Variants in DLC1 observed in about 807,000 individuals in gnomAD.
The protein encoded by DLC1 is DLC1 Rho GTPase activating protein.
Under a neutral mutation model 140.3 loss-of-function variants are expected in DLC1, and 54 were observed. That is an observed-to-expected ratio of 0.38 (90% CI 0.31 to 0.48). The LOEUF (loss-of-function observed/expected upper bound fraction) is 0.48. Ranked by LOEUF, DLC1 falls within the 20% of genes least tolerant of loss-of-function variation. DLC1 has a pLI of 0.96. For missense variants in DLC1, 2,536 were observed against 1,907.0 expected, an observed-to-expected ratio of 1.33 and a Z score of -6.14; for synonymous variants, 986 against 728.1, an observed-to-expected ratio of 1.35 and a Z score of -5.70.
intron 5 of DLC1, among the ~76,000 whole-genome samples, chr8:13,268,979 A>G (rs899898452): frequency 6.9e-6 from 1 of 144,406 alleles, no homozygotes; most frequent in Non-Finnish European, 1.5e-5. Flanking sequence ...GGTTCACGCC[A>G]TTCTCCTGCC....
chr8:13,135,282 G>A (rs1369260888), intron 5 of DLC1, among the ~76,000 whole-genome samples: 1 of 148,770 alleles, frequency 6.7e-6, no homozygotes, highest in South Asian at 2.1e-4. Context: ...TCGGGTTCAC[G>A]CCATTCTCCT....
chr8:13,569,883 G>C (rs1305234686), intron 1 of DLC1, among the ~76,000 whole-genome samples: 1 of 152,060 alleles, frequency 6.6e-6, no homozygotes, highest in African/African-American at 2.4e-5. Flanking sequence ...CGCCACGCCT[G>C]GCTAAATTTC....
chr8:13,460,977 C>G (rs934277248), intron 2 of DLC1, among the ~76,000 whole-genome samples: 6 of 152,262 alleles, frequency 3.9e-5, no homozygotes, highest in Admixed American at 1.3e-4. Context: ...TTTTGGGAGG[C>G]CAAGGCAGGA....
At chr8:13,400,212 T>C (rs1837233419) in intron 3 of DLC1, among the ~76,000 whole-genome samples, 1 of 152,176 alleles carries the variant, frequency 6.6e-6, no homozygotes, top group Admixed American at 6.6e-5. Flanking sequence ...CAAGGCCTGG[T>C]GTGAGTGAGT....
At chr8:13,192,665 T>A (rs758818860) in intron 5 of DLC1, among the ~76,000 whole-genome samples, 8 of 152,148 alleles carry the variant, frequency 5.3e-5, no homozygotes, top group Non-Finnish European at 8.8e-5. Flanking sequence ...AGTCAGAATG[T>A]GATTGACTTT....
chr8:13,567,135 C>A, intron 1 of DLC1: 1 of 1,551,732 alleles, frequency 6.4e-7, no homozygotes. Context: ...AGTCCTCGCC[C>A]CTGACCTCTG....
intron 5 of DLC1, among the ~76,000 whole-genome samples, chr8:13,158,703 T>C (rs368739108): frequency 5.4e-5 from 8 of 147,714 alleles, no homozygotes; most frequent in African/African-American, 1.8e-4. Context: ...TAATCTTTAT[T>C]GCTAGAGTTA....
chr8:13,540,588 A>G (rs1218956415), intron 1 of DLC1, among the ~76,000 whole-genome samples: 1 of 152,196 alleles, frequency 6.6e-6, no homozygotes, highest in African/African-American at 2.4e-5. Flanking sequence ...GTTATATCAC[A>G]TGTTTCCTAC....
At chr8:13,436,121 A>G (rs779647469) in intron 2 of DLC1, among the ~76,000 whole-genome samples, 7 of 152,232 alleles carry the variant, frequency 4.6e-5, no homozygotes, top group Non-Finnish European at 8.8e-5. Flanking sequence ...GGGAAACCAA[A>G]ATACTTGTGT....
intron 5 of DLC1, among the ~76,000 whole-genome samples, chr8:13,157,404 AAG>A (rs1824330169): frequency 6.6e-6 from 1 of 152,196 alleles, no homozygotes; most frequent in Non-Finnish European, 1.5e-5. Flanking sequence ...GTGTTTTTGT[AAG>A]AGAGAGCCTG....
chr8:13,225,318 A>G (rs1043112032), intron 5 of DLC1, among the ~76,000 whole-genome samples: 4 of 152,238 alleles, frequency 2.6e-5, no homozygotes, highest in African/African-American at 9.6e-5. Flanking sequence ...CAACACATTT[A>G]CATTTGAAGA....
chr8:13,374,223 CAG>C (rs1835859096), intron 4 of DLC1, among the ~76,000 whole-genome samples: 2 of 152,140 alleles, frequency 1.3e-5, no homozygotes, highest in African/African-American at 4.8e-5. Context: ...AGATCTGCTA[CAG>C]TGGAGCTCTC....
At position 13,566,024 on chromosome 8, in the gene DLC1, C is replaced by T. The variant is rs577060376; in HGVS notation, c.-126+38513G>A. On this transcript the variant is annotated intron_variant, in intron 1 of 1. Transcript: ENST00000631382. Reference sequence around the variant, plus strand: ...AAGATTTATTTGTTCCATAGCCATTCACTCAACAGAGATTTCTTGAACACC... The same window carrying T: ...AAGATTTATTTGTTCCATAGCCATTTACTCAACAGAGATTTCTTGAACACC... Among the ~76,000 whole-genome samples, 371 of 152,322 alleles carry T rather than the reference C, an allele frequency of 2.4e-3. 2 individuals are homozygous for T. Among genetic ancestry groups the T allele is most frequent in the South Asian group, 1.0e-2 (48 of 4,822 alleles).
At chr8:13,183,512 G>T (rs1374685442) in intron 5 of DLC1, among the ~76,000 whole-genome samples, 1 of 152,152 alleles carries the variant, frequency 6.6e-6, no homozygotes, top group Admixed American at 6.5e-5. Context: ...TTTATTGAGG[G>T]TTTTTAGCAT....
At chr8:13,553,368 G>T (rs1398437303) in intron 1 of DLC1, among the ~76,000 whole-genome samples, 8 of 150,520 alleles carry the variant, frequency 5.3e-5, no homozygotes, top group Non-Finnish European at 8.9e-5. Context: ...TATCACTTCT[G>T]TATTTTTCAT....
intron 2 of DLC1, among the ~76,000 whole-genome samples, chr8:13,453,732 T>A (rs1292531079): frequency 1.3e-5 from 2 of 150,832 alleles, no homozygotes; most frequent in African/African-American, 2.4e-5. Flanking sequence ...GTCCTGTAAT[T>A]TGAAACTCAA....
At position 13,085,796 on chromosome 8, in the gene DLC1, G is replaced by A. The variant is rs752358203; in HGVS notation, c.*15C>T. Reference sequence around the variant, plus strand: ...AAACACCATGGTGGTGGAAGCGGTTGCGTTGCTTCAGTGATCACCTAGATT... The same window carrying A: ...AAACACCATGGTGGTGGAAGCGGTTACGTTGCTTCAGTGATCACCTAGATT... On this transcript the variant is annotated 3_prime_UTR_variant, in exon 18 of 18. Transcript: ENST00000276297. The A allele has an allele frequency of 6.4e-5, 103 of 1,613,954 alleles. No homozygotes were observed. Among genetic ancestry groups the A allele is most frequent in the Non-Finnish European group, 8.4e-5 (99 of 1,179,984 alleles).
chr8:13,443,977 C>T (rs1469964354), intron 2 of DLC1, among the ~76,000 whole-genome samples: 1 of 152,132 alleles, frequency 6.6e-6, no homozygotes, highest in Non-Finnish European at 1.5e-5. Flanking sequence ...ATCCACAAAG[C>T]ATTGTATGAA....
rs1585993733 is a variant in DLC1, at chr8:13,245,325, T to C, written c.1348+59944A>G. On this transcript the variant is annotated intron_variant, in intron 5 of 17. Coordinates refer to ENST00000276297, the MANE Select transcript of DLC1 (RefSeq NM_182643.3). ...GTCTTGCAACCCTAGCCTTTGAAACTCTCCTGGCCAATATCCCGGACATTG... is the reference window on the plus strand; with the variant it reads ...GTCTTGCAACCCTAGCCTTTGAAACCCTCCTGGCCAATATCCCGGACATTG... Among the ~76,000 whole-genome samples the C allele has an allele frequency of 2.0e-5, 3 of 152,274 alleles. No individual in the cohort carries two copies. In the East Asian group the frequency reaches 5.8e-4, roughly 30 times the overall value.
Sources: gnomAD v4.1 joint callset for allele counts (sites outside exome capture counted in the v4.1 genomes callset) on GRCh38, gnomAD v4.1.1 for gene constraint, MANE v1.5 for transcripts, NCBI Gene and HGNC (gene_info 2026-07-23, HGNC 2026-07-21) for gene names.